Variants in MYO10 observed in about 807,000 individuals in gnomAD.
MYO10 encodes unconventional myosin-X.
A neutral mutation model predicts 257.3 loss-of-function variants in MYO10; 133 were observed. The observed-to-expected ratio is 0.52, with a 90% confidence interval of 0.45 to 0.60. MYO10 has a LOEUF of 0.60. Ranked by LOEUF, MYO10 falls within the 20% of genes least tolerant of loss-of-function variation. MYO10 has a pLI of 0.00. For synonymous variants in MYO10, 1,104 were observed against 1,028.6 expected (o/e 1.07, Z -1.40); for missense variants, 2,399 against 2,635.7 (o/e 0.91, Z 1.97).
chr5:16,718,798 A>G (rs949262384), intron 19 of MYO10, among the ~76,000 whole-genome samples: 2 of 151,706 alleles, frequency 1.3e-5, no homozygotes, highest in Admixed American at 1.3e-4. Context: ...TACACCAATC[A>G]ACACTCTGTA....
At chr5:16,844,944 AC>A (rs1241459343) in intron 2 of MYO10, among the ~76,000 whole-genome samples, 3 of 133,590 alleles carry the variant, frequency 2.2e-5, no homozygotes, top group African/African-American at 1.0e-4. Flanking sequence ...AGATACACAC[AC>A]ACACACACGC....
intron 19 of MYO10, among the ~76,000 whole-genome samples, 176 bp from the exon 20 acceptor site, chr5:16,711,421 G>C (rs1029919671): frequency 2.0e-5 from 3 of 152,110 alleles, no homozygotes; most frequent in African/African-American, 4.8e-5. Flanking sequence ...CCATCACCTC[G>C]CCTTAACAAC....
chr5:16,803,079 T>A (rs972465606), intron 3 of MYO10, among the ~76,000 whole-genome samples: 79 of 151,994 alleles, frequency 5.2e-4, no homozygotes, highest in African/African-American at 1.9e-3. Context: ...CACTCCAGCC[T>A]TGGTAACAAA....
chr5:16,735,186 A>C (rs1038522172), intron 19 of MYO10, among the ~76,000 whole-genome samples: 13 of 152,210 alleles, frequency 8.5e-5, no homozygotes. Context: ...AATTGTCTAA[A>C]GGAGAGGTTG....
chr5:16,792,383 G>C (rs773958515), intron 4 of MYO10, among the ~76,000 whole-genome samples: 1 of 152,118 alleles, frequency 6.6e-6, no homozygotes, highest in Admixed American at 6.5e-5. Flanking sequence ...TCAATGTGCC[G>C]ATGCCTGGCA....
chr5:16,673,614 T>C, intron 36 of MYO10, 68 bp downstream of exon 36: 1 of 1,510,508 alleles, frequency 6.6e-7, no homozygotes, highest in Non-Finnish European at 9.0e-7. Flanking sequence ...TGCTGCACAA[T>C]GTTCCTGACG....
chr5:16,898,168 C>A (rs1183495165), intron 1 of MYO10, among the ~76,000 whole-genome samples: 1 of 152,020 alleles, frequency 6.6e-6, no homozygotes, highest in Non-Finnish European at 1.5e-5. Flanking sequence ...CTTTCGGGAG[C>A]CCCCAGGTCA....
At chr5:16,778,501 G>A (rs1473367995) in intron 9 of MYO10, among the ~76,000 whole-genome samples, 1 of 152,054 alleles carries the variant, frequency 6.6e-6, no homozygotes, top group Non-Finnish European at 1.5e-5. Context: ...GAGGGAACCT[G>A]CCCAGGGCTT....
At chr5:16,824,527 T>C (rs528685967) in intron 2 of MYO10, among the ~76,000 whole-genome samples, 2 of 152,204 alleles carry the variant, frequency 1.3e-5, no homozygotes, top group South Asian at 2.1e-4. Flanking sequence ...TAAGTAAAAA[T>C]GATGACAATA....
intron 1 of MYO10, among the ~76,000 whole-genome samples, chr5:16,893,196 CAAAAA>C (rs59761183): frequency 2.9e-5 from 2 of 69,614 alleles, no homozygotes; most frequent in Non-Finnish European, 2.7e-5. Flanking sequence ...GACTCTGTCT[CAAAAA>C]AAAAAAAAAA....
chr5:16,703,113 C>A lies in MYO10; in HGVS notation c.2322G>T (p.Lys774Asn). The change falls in exon 23 of 41, where the codon AAG becomes AAT. Residue 774 changes from lysine (K) to asparagine (N), a missense_variant. By Grantham distance (94) the Lys-to-Asn change is moderately conservative. This residue lies in a region of MYO10 where 1,820 missense variants were observed against 1,939.4 expected (regional missense o/e 0.94). Coordinates refer to ENST00000513610, the MANE Select transcript of MYO10 (RefSeq NM_012334.3). Reference sequence around the variant, plus strand: ...TCCTCAGAAGGAATGCTCTGTAATTCTTCTGTATTATCACCACACAATAAA... The same window carrying A: ...TCCTCAGAAGGAATGCTCTGTAATTATTCTGTATTATCACCACACAATAAA... The part of the protein sequence containing the change: ...KVLYCVVIIQ[K>N]NYRAFLLRRR... 1 of 1,594,326 alleles carries A rather than the reference C, an allele frequency of 6.3e-7. No homozygotes were observed. Among genetic ancestry groups the A allele is most frequent in the East Asian group, 2.2e-5 (1 of 44,532 alleles).
intron 19 of MYO10, among the ~76,000 whole-genome samples, chr5:16,726,834 C>T (rs1279119813): frequency 6.6e-6 from 1 of 152,196 alleles, no homozygotes; most frequent in Non-Finnish European, 1.5e-5. Flanking sequence ...AAACCACAGC[C>T]TGCCAGCCAT....
At position 16,776,106 on chromosome 5, in the gene MYO10, A is replaced by C. The variant is rs917972466; in HGVS notation, c.930+3439T>G. The stretch of plus-strand genomic sequence containing the variant: ...GAGATGGGTTTTTGCCATGTTGCCC[A>C]GGCTGGTCTTGAACTCCTGTGCTCA... On this transcript the variant is annotated intron_variant, in intron 9 of 40. Transcript: ENST00000513610. Among the ~76,000 whole-genome samples, 3 of 151,924 alleles carry C rather than the reference A, an allele frequency of 2.0e-5. No individual in the cohort carries two copies. The East Asian group carries it at 5.8e-4, about 29-fold the overall frequency.
chr5:16,807,877 C>T (rs1017897556), intron 3 of MYO10, among the ~76,000 whole-genome samples: 1 of 152,116 alleles, frequency 6.6e-6, no homozygotes, highest in Non-Finnish European at 1.5e-5. Flanking sequence ...CCCATTGTCA[C>T]CCTGAGCTAT....
At chr5:16,889,948 T>C (rs1580119254) in intron 1 of MYO10, among the ~76,000 whole-genome samples, 1 of 151,794 alleles carries the variant, frequency 6.6e-6, no homozygotes, top group Admixed American at 6.5e-5. Context: ...AAGATTTTCT[T>C]AATGGAATCC....
Position 16,780,522 on chromosome 5 carries a change from ACCTCTTTCTTCATGTT to A in MYO10, c.812_826+1del. The A allele has an allele frequency of 1.3e-6, 2 of 1,570,562 alleles. No homozygotes were observed. The highest frequency in any genetic ancestry group is 1.7e-6 in the Non-Finnish European group (2 of 1,154,772). ...ACATTATCCAGCTGTCGTCCCACTC[ACCTCTTTCTTCATGTT>A]CCAGCCCTGCCAGCAGTGCATAAAA... On this transcript the variant is annotated splice_donor_variant and coding_sequence_variant, in exon 8 of 41. Coordinates refer to ENST00000513610, the MANE Select transcript of MYO10 (RefSeq NM_012334.3). LOFTEE classifies it high-confidence loss of function.
At chr5:16,699,596 A>G (rs754016651) in intron 25 of MYO10, 23 bp from the exon 26 acceptor site, 1 of 1,612,946 alleles carries the variant, frequency 6.2e-7, no homozygotes. Flanking sequence ...AGAGAAGCCA[A>G]CGGTGAGGGA....
At chr5:16,700,922 C>G (rs554205905) in intron 25 of MYO10, 41 bp downstream of exon 25, 1 of 1,504,240 alleles carries the variant, frequency 6.6e-7, no homozygotes, top group South Asian at 1.3e-5. Flanking sequence ...TGGGTGTGAC[C>G]GGCCACCCAT....
chr5:16,747,947 GA>G lies in MYO10; in HGVS notation c.1929+6880del, dbSNP rs1216946177. On this transcript the variant is annotated intron_variant, in intron 19 of 40. Coordinates refer to ENST00000513610, the MANE Select transcript of MYO10 (RefSeq NM_012334.3). Reference sequence around the variant, plus strand: ...AAAAAAAAAAAAAAAAAAAAAAAAAGAAAAAAAAAAAGATACAGGAAGAAAA... The same window carrying G: ...AAAAAAAAAAAAAAAAAAAAAAAAAGAAAAAAAAAAGATACAGGAAGAAAA... 7.9e-3 allele frequency among the ~76,000 whole-genome samples: 647 copies of G among 81,640 alleles called. 5 individuals carry two copies. Among genetic ancestry groups the G allele is most frequent in the African/African-American group, 0.017 (375 of 22,296 alleles). 53.6% of individuals were successfully genotyped at this position (81,640 alleles called of 152,430 possible).
Sources: gnomAD v4.1 joint callset for allele counts (sites outside exome capture counted in the v4.1 genomes callset) on GRCh38, gnomAD v4.1.1 for gene constraint, gnomAD v4.1.1 regional missense constraint, MANE v1.5 for transcripts, NCBI Gene and HGNC (gene_info 2026-07-23, HGNC 2026-07-21) for gene names.